The following SOAT2 variants were observed in gnomAD, a reference collection of about 807,000 sequenced individuals.
SOAT2 encodes the protein ACAT-2.
In SOAT2, 87 loss-of-function variants were observed where a neutral mutation model predicts 76.0. The observed-to-expected ratio is 1.14, with a 90% confidence interval of 0.96 to 1.37. The LOEUF (loss-of-function observed/expected upper bound fraction) is 1.37, where lower values mean the gene tolerates loss of function less well. Ranked by LOEUF, SOAT2 falls within the 40% of genes most tolerant of loss-of-function variation. The probability of loss-of-function intolerance (pLI) is 0.00; values close to 1 mark genes in which losing one functional copy is unlikely to be tolerated. For synonymous variants in SOAT2, 285 were observed against 275.4 expected (o/e 1.03, Z -0.34); for missense variants, 686 against 682.1 (o/e 1.01, Z -0.06).
In SOAT2 at chr12:53,123,145, A is replaced by T. The variant is rs749683847; in HGVS notation, c.1301A>T (p.His434Leu). The change falls in exon 13 of 15, where the codon CAT (histidine) becomes CTT (leucine). Residue 434 changes from histidine to leucine, a missense_variant. Coordinates refer to ENST00000301466, the MANE Select transcript of SOAT2 (RefSeq NM_003578.4). ...GTGTTCCTGGTCTCCGCAGTGGCCC[A>T]TGAGTATATCTTCTGCTTCGTCCTG... is the stretch of plus-strand genomic sequence containing the variant. ...LGVFLVSAVA[H>L]EYIFCFVLGF... 14 of 1,614,060 alleles carry T rather than the reference A, an allele frequency of 8.7e-6. No individual in the cohort carries two copies. The East Asian group carries it at 3.1e-4, about 36-fold the overall frequency.
At chr12:53,110,798 AT>A (rs1565626570) in intron 5 of SOAT2, among the ~76,000 whole-genome samples, 1 of 152,180 alleles carries the variant, frequency 6.6e-6, no homozygotes, top group African/African-American at 2.4e-5. Flanking sequence ...AAACGTTTAC[AT>A]TTTTGAAGAT....
intron 4 of SOAT2, 78 bp from the exon 5 acceptor site, chr12:53,105,829 C>A: frequency 8.0e-7 from 1 of 1,245,684 alleles, no homozygotes. Context: ...CCCCATGCCT[C>A]ATGTGTACAG....
chr12:53,118,420 G>A lies in SOAT2; in HGVS notation c.849G>A (p.Arg283=), dbSNP rs201137374. 21 of 1,613,072 alleles carry A rather than the reference G, an allele frequency of 1.3e-5. No homozygotes were observed. In the African/African-American group the frequency reaches 2.4e-4, roughly 18 times the overall value. The change falls in exon 8 of 15, where the codon AGG becomes AGA. Residue 283 remains arginine, a synonymous_variant. Transcript: ENST00000301466. Reference sequence around the variant, plus strand: ...TCTTCTGCCCAACACTCATCTACAGGGAGACTTACCCTAGGTAAGACCCTG... The same window carrying A: ...TCTTCTGCCCAACACTCATCTACAGAGAGACTTACCCTAGGTAAGACCCTG... The part of the protein sequence containing the change: ...YFLFCPTLIY[R]ETYPRTPYVR...
At chr12:53,105,845 G>A in intron 4 of SOAT2, 62 bp from the exon 5 acceptor site, 6 of 1,346,472 alleles carry the variant, frequency 4.5e-6, no homozygotes, top group East Asian at 2.3e-5. Flanking sequence ...TACAGTGTCT[G>A]AGCTAGTTCA....
At chr12:53,108,737 C>T (rs1937971574) in intron 5 of SOAT2, among the ~76,000 whole-genome samples, 1 of 152,186 alleles carries the variant, frequency 6.6e-6, no homozygotes, top group African/African-American at 2.4e-5. Context: ...AATGTTTTTC[C>T]TCCATTGTGA....
Position 53,119,163 on chromosome 12 carries a change from C to A in SOAT2, c.949C>A (p.Arg317Ser), listed in dbSNP as rs757714284. The A allele has an allele frequency of 6.2e-7, 1 of 1,614,032 alleles. No individual in the cohort carries two copies. The highest frequency in any genetic ancestry group is 8.5e-7 in the Non-Finnish European group (1 of 1,179,978). Residue 317 changes from arginine (R) to serine (S), a missense_variant, in exon 10 of 15, where the codon CGC becomes AGC. Arg to Ser is a moderately radical substitution (Grantham distance 110, BLOSUM62 -1). Transcript: ENST00000301466. ...CVLYACFILG[R>S]LCVPVFANMS... ...GCTCTATGCCTGCTTCATCCTGGGC[C>A]GCCTCTGTGTTCCTGTCTTTGCCAA...
At chr12:53,119,068 G>A in intron 9 of SOAT2, 56 bp from the exon 10 acceptor site, 2 of 1,611,726 alleles carry the variant, frequency 1.2e-6, no homozygotes, top group Non-Finnish European at 8.5e-7. Context: ...AGAGGTCAAT[G>A]CCACCGGCAG....
intron 5 of SOAT2, among the ~76,000 whole-genome samples, chr12:53,107,621 A>ATTTTTTTTTTTTT (rs1565625989): frequency 4.1e-5 from 5 of 122,344 alleles, no homozygotes; most frequent in African/African-American, 1.5e-4. Context: ...CAACAGATGT[A>ATTTTTTTTTTTTT]CTTTTTTTTT....
In SOAT2 at chr12:53,119,162, C is replaced by A. The variant is rs145673543; in HGVS notation, c.948C>A (p.Gly316=). 1 of 1,614,012 alleles carries A rather than the reference C, an allele frequency of 6.2e-7. No individual in the cohort carries two copies. The highest frequency in any genetic ancestry group is 1.3e-5 in the African/African-American group (1 of 75,006). The change falls in exon 10 of 15, where the codon GGC becomes GGA. Residue 316 remains glycine (G), a synonymous_variant. Coordinates refer to ENST00000301466, the MANE Select transcript of SOAT2 (RefSeq NM_003578.4). ...GCVLYACFIL[G]RLCVPVFANM... is the part of the protein sequence containing the mutation. ...TGCTCTATGCCTGCTTCATCCTGGG[C>A]CGCCTCTGTGTTCCTGTCTTTGCCA...
intron 5 of SOAT2, among the ~76,000 whole-genome samples, chr12:53,111,631 A>G: frequency 6.6e-6 from 1 of 152,238 alleles, no homozygotes; most frequent in Non-Finnish European, 1.5e-5. Context: ...TGTAGCCTCT[A>G]TGCCAAATTT....
rs758879873 is a variant in SOAT2, at chr12:53,119,089, C to A, written c.910-35C>A. The A allele has an allele frequency of 3.1e-6, 5 of 1,613,006 alleles. No individual in the cohort carries two copies. In the South Asian group the frequency reaches 5.5e-5, roughly 18 times the overall value. On this transcript the variant is annotated intron_variant, in intron 9 of 14. Transcript: ENST00000301466. Reference sequence around the variant, plus strand: ...CAATGCCACCGGCAGCTGCCAGCATCCCTCTCCAGTTATGTGTCCCCATGC... The same window carrying A: ...CAATGCCACCGGCAGCTGCCAGCATACCTCTCCAGTTATGTGTCCCCATGC...
chr12:53,109,923 A>G (rs1937988558), intron 5 of SOAT2, among the ~76,000 whole-genome samples: 1 of 152,228 alleles, frequency 6.6e-6, no homozygotes, highest in Non-Finnish European at 1.5e-5. Flanking sequence ...GCTCTAAGAG[A>G]AACCCATTGT....
chr12:53,118,302 G>A, intron 7 of SOAT2, 48 bp from the exon 8 acceptor site: 1 of 1,122,346 alleles, frequency 8.9e-7, no homozygotes, highest in South Asian at 1.3e-5. Flanking sequence ...CCTCACCTCT[G>A]CCCTCTGCCC....
At chr12:53,121,196 C>A in intron 11 of SOAT2, 107 bp from the exon 12 acceptor site, 1 of 827,574 alleles carries the variant, frequency 1.2e-6, no homozygotes, top group Non-Finnish European at 2.0e-6. Context: ...GGAGCCAGCC[C>A]TTCTGGAACA....
intron 13 of SOAT2, 138 bp downstream of exon 13, chr12:53,123,354 C>A: frequency 9.0e-7 from 1 of 1,107,462 alleles, no homozygotes. Context: ...GAGGTGGAGT[C>A]AAGGGGGTAC....
chr12:53,113,813 C>A (rs1938059359), intron 5 of SOAT2, among the ~76,000 whole-genome samples: 1 of 152,184 alleles, frequency 6.6e-6, no homozygotes, highest in Non-Finnish European at 1.5e-5. Flanking sequence ...TGAAGACCTT[C>A]TTCTGGAGCC....
Position 53,120,883 on chromosome 12 carries a change from G to A in SOAT2, c.1137G>A (p.Arg379=). ...GATTTGGAGACAGGATGTTCTACCG[G>A]GTGGGGCCTGGACCTAGGCCAGTTG... ...MLRFGDRMFY[R]DWWNSTSFSN... Residue 379 remains arginine (R), a splice_region_variant and synonymous_variant, in exon 11 of 15, where the codon CGG becomes CGA. Coordinates refer to ENST00000301466, the MANE Select transcript of SOAT2 (RefSeq NM_003578.4). 1 of 1,613,200 alleles carries A rather than the reference G, an allele frequency of 6.2e-7. No individual in the cohort carries two copies. Among genetic ancestry groups the A allele is most frequent in the South Asian group, 1.1e-5 (1 of 91,066 alleles).
intron 10 of SOAT2, among the ~76,000 whole-genome samples, chr12:53,120,213 T>C (rs1938168829): frequency 6.6e-6 from 1 of 152,180 alleles, no homozygotes; most frequent in South Asian, 2.1e-4. Context: ...CTCACACCTG[T>C]AATCCCAGCA....
intron 5 of SOAT2, 101 bp downstream of exon 5, chr12:53,106,115 C>T (rs1421390394): frequency 2.6e-6 from 2 of 756,324 alleles, no homozygotes; most frequent in African/African-American, 3.5e-5. Context: ...ACAGGTTCCC[C>T]CTTTGGTTAT....
Sources: allele counts gnomAD v4.1 joint callset (sites outside exome capture counted in the v4.1 genomes callset), GRCh38; gene constraint gnomAD v4.1.1; transcripts MANE v1.5; gene names NCBI Gene and HGNC (gene_info 2026-07-23, HGNC 2026-07-21).